Variants in PITPNM2 observed in about 807,000 individuals in gnomAD.
PITPNM2 encodes the protein membrane-associated phosphatidylinositol transfer protein 2.
Under a neutral mutation model 132.2 loss-of-function variants are expected in PITPNM2, and 35 were observed. The observed-to-expected ratio is 0.26, with a 90% CI of 0.20 to 0.35. The LOEUF (loss-of-function observed/expected upper bound fraction) is 0.35. PITPNM2 is among the 10% of genes least tolerant of loss of function. The pLI, the probability that PITPNM2 is intolerant of heterozygous loss-of-function variation, is 1.00. For missense variants in PITPNM2, 1,332 were observed against 1,912.0 expected, an observed-to-expected ratio of 0.70 and a Z score of 5.66; for synonymous variants, 738 against 799.2, an observed-to-expected ratio of 0.92 and a Z score of 1.29.
intron 3 of PITPNM2, 77 bp from the exon 4 acceptor site, chr12:123,014,119 C>A: frequency 6.7e-7 from 1 of 1,500,238 alleles, no homozygotes; most frequent in South Asian, 1.2e-5. Context: ...GGAGACTGGG[C>A]CCAGGGGTGT....
chr12:122,995,321 G>C lies in PITPNM2; in HGVS notation c.2054+68C>G, dbSNP rs1342729360. 3.3e-6 allele frequency: 5 copies of C among 1,518,572 alleles called. No homozygotes were observed. The East Asian group carries it at 6.8e-5, about 21-fold the overall frequency. The allele number at this position is 1,518,572 out of a possible 1,614,324, so 94.1% of individuals were successfully genotyped here. On this transcript the variant is annotated intron_variant, in intron 14 of 25. Coordinates refer to ENST00000320201, the MANE Select transcript of PITPNM2 (RefSeq NM_020845.3). ...GGGTCTCCTGTTGGCCATCACAGGG[G>C]ATGTTCCTCCCTCTTGGAGCCTCTT... is the stretch of plus-strand genomic sequence containing the variant.
intron 1 of PITPNM2, among the ~76,000 whole-genome samples, chr12:123,135,723 C>G (rs1790115): frequency 0.67 from 101,441 of 151,870 alleles, 36,821 homozygotes; most frequent in East Asian, 0.97. Context: ...TTAGAGACGG[C>G]GTCTCGCTAC....
At chr12:123,038,454 A>C (rs1198799803) in intron 2 of PITPNM2, among the ~76,000 whole-genome samples, 1 of 152,192 alleles carries the variant, frequency 6.6e-6, no homozygotes, top group African/African-American at 2.4e-5. Context: ...CGGTCTCTCC[A>C]TATATAAAAT....
In PITPNM2 at chr12:123,064,771, AAAC is replaced by A. The variant is rs2041359777; in HGVS notation, c.-95-30089_-95-30087del. Among the ~76,000 whole-genome samples the A allele has an allele frequency of 1.3e-5, 2 of 152,236 alleles. No homozygotes were observed. The highest frequency in any genetic ancestry group is 2.1e-4 in the South Asian group (1 of 4,836). On this transcript the variant is annotated intron_variant, in intron 2 of 25. Coordinates refer to ENST00000320201, the MANE Select transcript of PITPNM2 (RefSeq NM_020845.3). This position sits in a 1 kb window ranked among gnomAD's most constrained non-coding sequence, Gnocchi z 4.0. ...CTGCAAAAAAAAGCTAGTGGGAAACAAACAACACAATGAATCAGATGCAGCAGG... is the reference window on the plus strand; with the variant it reads ...CTGCAAAAAAAAGCTAGTGGGAAACAAACACAATGAATCAGATGCAGCAGG...
At chr12:123,065,086 G>A (rs766835924) in intron 2 of PITPNM2, among the ~76,000 whole-genome samples, 77 of 152,220 alleles carry the variant, frequency 5.1e-4, no homozygotes, top group Non-Finnish European at 1.1e-3. Context: ...ACCCACAGCC[G>A]CTGGAGGCCC....
In PITPNM2 at chr12:123,009,438, G is replaced by A. The variant is rs2039082913; in HGVS notation, c.643+412C>T. On this transcript the variant is annotated intron_variant, in intron 6 of 25. Coordinates refer to ENST00000320201, the MANE Select transcript of PITPNM2 (RefSeq NM_020845.3). This position sits in a 1 kb window ranked among gnomAD's most constrained non-coding sequence, Gnocchi z 4.8. ...GAGGGAGGCTGAGCTGTGGCCCTGG[G>A]TTCTGGGCCTCCTTGAGTAGAGGAA... Among the ~76,000 whole-genome samples, 3 of 152,152 alleles carry A rather than the reference G, an allele frequency of 2.0e-5. No individual in the cohort carries two copies. Among genetic ancestry groups the A allele is most frequent in the African/African-American group, 7.2e-5 (3 of 41,444 alleles).
intron 2 of PITPNM2, among the ~76,000 whole-genome samples, chr12:123,046,689 C>T (rs1010506550): frequency 1.3e-5 from 2 of 152,170 alleles, no homozygotes; most frequent in African/African-American, 4.8e-5. Flanking sequence ...TGGAGTCATA[C>T]AATATGTGCT....
rs2040275487 is a variant in PITPNM2, at chr12:123,036,576, CTCT to C, written c.-95-1894_-95-1892del. ...TGCTTTAAATATAGTCCAAGTGAAG[CTCT>C]TTTTTAGCCGATTAGAGCCTAGATA... On this transcript the variant is annotated intron_variant, in intron 2 of 25. Coordinates refer to ENST00000320201, the MANE Select transcript of PITPNM2 (RefSeq NM_020845.3). This position sits in a 1 kb window ranked among gnomAD's most constrained non-coding sequence, Gnocchi z 4.1. 6.6e-6 allele frequency among the ~76,000 whole-genome samples: 1 copy of C among 152,206 alleles called. No individual in the cohort carries two copies.
In PITPNM2 at chr12:123,008,573, T is replaced by C. The variant is rs550813765; in HGVS notation, c.643+1277A>G. On this transcript the variant is annotated intron_variant, in intron 6 of 25. Transcript: ENST00000320201. This position sits in a 1 kb window ranked among gnomAD's most constrained non-coding sequence, Gnocchi z 4.1. ...GTCCCAGTCTGTGAGCCCTGGGTAA[T>C]GGAGAGAGGCAGGTTTGGGCCAATC... Among the ~76,000 whole-genome samples, 5 of 152,256 alleles carry C rather than the reference T, an allele frequency of 3.3e-5. No individual in the cohort carries two copies. The East Asian group carries it at 9.6e-4, about 29-fold the overall frequency.
chr12:123,108,938 T>A lies in PITPNM2; in HGVS notation c.-96+1447A>T, dbSNP rs7299943. ...GTCACAGGCCAAATTTGAAAAACCATGCCATGTGCTTCCAGGTCTAGACTC... is the reference window on the plus strand; with the variant it reads ...GTCACAGGCCAAATTTGAAAAACCAAGCCATGTGCTTCCAGGTCTAGACTC... On this transcript the variant is annotated intron_variant, in intron 2 of 25. Coordinates refer to ENST00000320201, the MANE Select transcript of PITPNM2 (RefSeq NM_020845.3). The surrounding 1 kb of genome is among the most constrained non-coding windows in gnomAD (Gnocchi z 4.4). Among the ~76,000 whole-genome samples, 34,126 of 152,030 alleles carry A rather than the reference T, an allele frequency of 0.22. 3,992 individuals are homozygous for A. The highest frequency in any genetic ancestry group is 0.35 in the Middle Eastern group (103 of 294).
chr12:123,003,247 ATGGCTACTGTCTGGCTC>A (rs778898160), intron 8 of PITPNM2, among the ~76,000 whole-genome samples: 4 of 152,172 alleles, frequency 2.6e-5, no homozygotes, highest in Non-Finnish European at 5.9e-5. Context: ...CACCAGGCTC[ATGGCTACTGTCTGGCTC>A]TGGCACTTGC....
chr12:123,108,906 C>T lies in PITPNM2; in HGVS notation c.-96+1479G>A, dbSNP rs931326178. On this transcript the variant is annotated intron_variant, in intron 2 of 25. Transcript: ENST00000320201. This position sits in a 1 kb window ranked among gnomAD's most constrained non-coding sequence, Gnocchi z 4.4. ...GTTGAGCCTGGGCTGAACCAAGGGC[C>T]CTGTGAGTCACAGGCCAAATTTGAA... Among the ~76,000 whole-genome samples, 9 of 152,096 alleles carry T rather than the reference C, an allele frequency of 5.9e-5. 1 individual carries two copies. The highest frequency in any genetic ancestry group is 1.2e-4 in the Non-Finnish European group (8 of 68,022).
chr12:123,097,200 G>A lies in PITPNM2; in HGVS notation c.-96+13185C>T, dbSNP rs1442122360. ...TGGGATTACAGGCGCCCACCACCAC[G>A]CCCAGCTAATTTTTGTACTTTTAGT... On this transcript the variant is annotated intron_variant, in intron 2 of 25. Coordinates refer to ENST00000320201, the MANE Select transcript of PITPNM2 (RefSeq NM_020845.3). This position sits in a 1 kb window ranked among gnomAD's most constrained non-coding sequence, Gnocchi z 4.7. 6.6e-5 allele frequency among the ~76,000 whole-genome samples: 10 copies of A among 151,954 alleles called. No individual in the cohort carries two copies. The highest frequency in any genetic ancestry group is 1.5e-4 in the African/African-American group (6 of 41,364).
rs762316373 is a variant in PITPNM2, at chr12:123,034,476, C to A, written c.78+37G>T. ...GGTGTCTGTGCGCTGGCGCGACCCA[C>A]CCTCACCCCATGACCCACCCTTGCC... On this transcript the variant is annotated intron_variant, in intron 3 of 25. Coordinates refer to ENST00000320201, the MANE Select transcript of PITPNM2 (RefSeq NM_020845.3). 3 of 1,590,790 alleles carry A rather than the reference C, an allele frequency of 1.9e-6. No homozygotes were observed. In the South Asian group the frequency reaches 3.3e-5, roughly 18 times the overall value.
chr12:123,147,441 C>T (rs544070815), intron 1 of PITPNM2, among the ~76,000 whole-genome samples: 2 of 152,210 alleles, frequency 1.3e-5, no homozygotes, highest in African/African-American at 2.4e-5. Flanking sequence ...CAGCTACAGG[C>T]GCACACCACC....
At chr12:123,028,177 G>A (rs549078933) in intron 3 of PITPNM2, among the ~76,000 whole-genome samples, 3 of 152,314 alleles carry the variant, frequency 2.0e-5, no homozygotes, top group African/African-American at 4.8e-5. Context: ...CTCCCTCGGC[G>A]GCACACATTC....
At chr12:122,999,805 G>A (rs188748054) in intron 10 of PITPNM2, among the ~76,000 whole-genome samples, 98 of 152,294 alleles carry the variant, frequency 6.4e-4, no homozygotes, top group Middle Eastern at 6.8e-3. Context: ...AATGGATTTG[G>A]CTTTGGATGG....
chr12:123,099,994 C>T lies in PITPNM2; in HGVS notation c.-96+10391G>A, dbSNP rs1334687623. ...CGGGGGAAGTAAGAATTGCAGGTGA[C>T]ACGCGCACAGCCTACTCCGCAGACA... On this transcript the variant is annotated intron_variant, in intron 2 of 25. Transcript: ENST00000320201. The surrounding 1 kb of genome is among the most constrained non-coding windows in gnomAD (Gnocchi z 4.2). Among the ~76,000 whole-genome samples, 2 of 152,190 alleles carry T rather than the reference C, an allele frequency of 1.3e-5. No individual in the cohort carries two copies. The highest frequency in any genetic ancestry group is 2.9e-5 in the Non-Finnish European group (2 of 68,036).
chr12:123,067,518 G>C (rs1182295213), intron 2 of PITPNM2, among the ~76,000 whole-genome samples: 1 of 150,914 alleles, frequency 6.6e-6, no homozygotes, highest in Admixed American at 6.6e-5. Flanking sequence ...GAAGAGGAGA[G>C]GACACAGGAG....
Sources: allele counts gnomAD v4.1 joint callset (sites outside exome capture counted in the v4.1 genomes callset), GRCh38; gene constraint gnomAD v4.1.1; non-coding constraint Gnocchi (gnomAD v3.1); transcripts MANE v1.5; gene names NCBI Gene and HGNC (gene_info 2026-07-23, HGNC 2026-07-21).